Variants in KCNJ18 observed in about 807,000 individuals in gnomAD.
The protein encoded by KCNJ18 is potassium inwardly rectifying channel subfamily J member 18, also known as inward rectifier potassium channel 18.
In KCNJ18, 16 loss-of-function variants were observed where a neutral mutation model predicts 17.3. The ratio of observed to expected loss-of-function variants is 0.92; its 90% CI spans 0.62 to 1.40. The LOEUF is 1.40. KCNJ18 is among the 40% of genes most tolerant of loss of function. The pLI is 0.00. For missense variants in KCNJ18, 462 were observed against 626.8 expected (o/e 0.74, Z 2.81); for synonymous variants, 185 against 262.6 (o/e 0.70, Z 2.86).
Position 21,702,753 on chromosome 17 carries a change from C to A in KCNJ18, c.-34C>A, listed in dbSNP as rs2142272452. ...CAGGAGCCGCCCTGCCTGGAGCTAGCCTGGGGGTGAGCCAGGGTCCCCCAA... is the reference window on the plus strand; with the variant it reads ...CAGGAGCCGCCCTGCCTGGAGCTAGACTGGGGGTGAGCCAGGGTCCCCCAA... On this transcript the variant is annotated 5_prime_UTR_variant, in exon 3 of 3. Transcript: ENST00000567955. The A allele has an allele frequency of 1.3e-6, 2 of 1,551,648 alleles. No homozygotes were observed. The highest frequency in any genetic ancestry group is 2.4e-5 in the East Asian group (1 of 41,540).
At chr17:21,693,396 G>A (rs1328559135) in intron 1 of KCNJ18, among the ~76,000 whole-genome samples, 18 of 152,424 alleles carry the variant, frequency 1.2e-4, no homozygotes, top group African/African-American at 4.1e-4. Context: ...AGTGAGGGAC[G>A]AGGTTGGGAG....
rs1906066157 is a variant in KCNJ18 at position 21,703,850 on chromosome 17, C to T, written c.1064C>T (p.Pro355Leu). 3 of 1,612,210 alleles carry T rather than the reference C, an allele frequency of 1.9e-6. No individual in the cohort carries two copies. Among genetic ancestry groups the T allele is most frequent in the Non-Finnish European group, 2.5e-6 (3 of 1,179,888 alleles). The change falls in exon 3 of 3, where the codon CCC (proline) becomes CTC (leucine). Residue 355 changes from proline (P) to leucine (L), a missense_variant. Coordinates refer to ENST00000567955, the MANE Select transcript of KCNJ18 (RefSeq NM_001194958.2). ...AAGACCTATGAGGTGCCCTCTACGC[C>T]CCGCTGCAGTGCGAAGGATCTGGTA... ...FHKTYEVPST[P>L]RCSAKDLVEN...
Position 21,704,116 on chromosome 17 carries a change from A to T in KCNJ18, c.*28A>T. ...CAACCTTGGCCGACATGCAGCATCC[A>T]CCCCTGGCCGGGGAGAGGCCCCGCG... On this transcript the variant is annotated 3_prime_UTR_variant, in exon 3 of 3. Transcript: ENST00000567955. The T allele has an allele frequency of 6.6e-7, 1 of 1,506,936 alleles. No homozygotes were observed. Among genetic ancestry groups the T allele is most frequent in the Admixed American group, 2.2e-5 (1 of 45,512 alleles). The allele number at this position is 1,506,936 out of a possible 1,614,324, so 93.3% of individuals were successfully genotyped here. A position where few individuals can be genotyped will look rare whatever the true frequency, so the allele number is the denominator to read the frequency against.
At chr17:21,699,525 G>C (rs1177862292) in intron 2 of KCNJ18, among the ~76,000 whole-genome samples, 2 of 152,206 alleles carry the variant, frequency 1.3e-5, no homozygotes, top group Non-Finnish European at 2.9e-5. Flanking sequence ...GGCAGAGCAG[G>C]GCTGTGTGAG....
Position 21,703,475 on chromosome 17 carries a change from C to G in KCNJ18, c.689C>G (p.Ala230Gly). ...CACATTGTGGAGGCCCATGTGCGCGCGCAGCTCATCAAGCCGCGGGTCACC... is the reference window on the plus strand; with the variant it reads ...CACATTGTGGAGGCCCATGTGCGCGGGCAGCTCATCAAGCCGCGGGTCACC... Reference protein sequence around the residue: ...KSHIVEAHVRAQLIKPRVTEE... With the variant: ...KSHIVEAHVRGQLIKPRVTEE... Residue 230 changes from alanine to glycine, a missense_variant, in exon 3 of 3, where the codon GCG (alanine) becomes GGG (glycine). By Grantham distance (60) the Ala-to-Gly change is moderately conservative (BLOSUM62 0). Transcript: ENST00000567955. 1.2e-6 allele frequency: 2 copies of G among 1,611,356 alleles called. No individual in the cohort carries two copies. The highest frequency in any genetic ancestry group is 4.5e-5 in the East Asian group (2 of 44,770).
At chr17:21,692,906 G>A (rs1457555884) in intron 1 of KCNJ18, among the ~76,000 whole-genome samples, 192 bp downstream of exon 1, 4 of 152,426 alleles carry the variant, frequency 2.6e-5, no homozygotes, top group Admixed American at 6.5e-5. Context: ...CCTGGCAGGC[G>A]ACACCAGCCT....
chr17:21,698,528 G>T (rs1234863009), intron 2 of KCNJ18, among the ~76,000 whole-genome samples: 1 of 151,124 alleles, frequency 6.6e-6, no homozygotes, highest in Non-Finnish European at 1.5e-5. Context: ...TGATGCAGGC[G>T]CCTGCACTCT....
Position 21,703,254 on chromosome 17 carries a change from G to C in KCNJ18, c.468G>C (p.Leu156=), listed in dbSNP as rs1906033106. ...YGLRCVTEEC[L]VAVFMVVAQS... ...TGCGCTGTGTGACGGAGGAGTGCCT[G>C]GTGGCCGTCTTCATGGTGGTGGCCC... The change falls in exon 3 of 3, where the codon CTG becomes CTC. Residue 156 remains leucine (L), a synonymous_variant. Coordinates refer to ENST00000567955, the MANE Select transcript of KCNJ18 (RefSeq NM_001194958.2). 3 of 1,610,170 alleles carry C rather than the reference G, an allele frequency of 1.9e-6. No homozygotes were observed. The Admixed American group carries it at 5.0e-5, about 27-fold the overall frequency.
chr17:21,693,396 G>C (rs1328559135), intron 1 of KCNJ18, among the ~76,000 whole-genome samples: 1 of 152,310 alleles, frequency 6.6e-6, no homozygotes, highest in African/African-American at 2.4e-5. Flanking sequence ...AGTGAGGGAC[G>C]AGGTTGGGAG....
rs1334175020 is a variant in KCNJ18 at position 21,703,102 on chromosome 17, G to A, written c.316G>A (p.Ala106Thr). The A allele has an allele frequency of 8.7e-6, 14 of 1,612,304 alleles. No individual in the cohort carries two copies. Among genetic ancestry groups the A allele is most frequent in the South Asian group, 2.2e-5 (2 of 90,924 alleles). The change falls in exon 3 of 3, where the codon GCG becomes ACG. Residue 106 changes from alanine (A) to threonine (T), a missense_variant. Ala to Thr is a moderately conservative substitution (Grantham distance 58). Coordinates refer to ENST00000567955, the MANE Select transcript of KCNJ18 (RefSeq NM_001194958.2). ...GTTCGGCGTCATCTTCTGGGTCATC[G>A]CGGTGGCACACGGTGACCTGGAGCC... ...LLFGVIFWVI[A>T]VAHGDLEPAE...
At chr17:21,693,990 G>A (rs1295784083) in intron 1 of KCNJ18, among the ~76,000 whole-genome samples, 44 of 152,278 alleles carry the variant, frequency 2.9e-4, no homozygotes, top group African/African-American at 1.0e-3. Context: ...GGCCACTAGA[G>A]ACCAGGCAGG....
Position 21,702,766 on chromosome 17 carries a change from C to T in KCNJ18, c.-21C>T, listed in dbSNP as rs1906005267. On this transcript the variant is annotated 5_prime_UTR_variant, in exon 3 of 3. Transcript: ENST00000567955. The stretch of plus-strand genomic sequence containing the variant: ...GCCTGGAGCTAGCCTGGGGGTGAGC[C>T]AGGGTCCCCCAACCCCCGGGATGAC... 1 of 1,565,438 alleles carries T rather than the reference C, an allele frequency of 6.4e-7. No individual in the cohort carries two copies. The highest frequency in any genetic ancestry group is 1.8e-5 in the Admixed American group (1 of 55,386).
Position 21,702,991 on chromosome 17 carries a change from G to C in KCNJ18, c.205G>C (p.Ala69Pro). The change falls in exon 3 of 3, where the codon GCT becomes CCT. Residue 69 changes from alanine to proline, a missense_variant. By Grantham distance (27) the Ala-to-Pro change is conservative. Coordinates refer to ENST00000567955, the MANE Select transcript of KCNJ18 (RefSeq NM_001194958.2). ...NMDEKSQRYL[A>P]DMFTTCVDIR... ...GGACGAGAAGTCACAGCGCTACCTG[G>C]CTGACATGTTCACCACCTGTGTGGA... 6.2e-7 allele frequency: 1 copy of C among 1,608,652 alleles called. No individual in the cohort carries two copies.
intron 1 of KCNJ18, among the ~76,000 whole-genome samples, chr17:21,695,646 A>T (rs1206350305): frequency 2.0e-5 from 3 of 152,296 alleles, no homozygotes; most frequent in Non-Finnish European, 4.4e-5. Flanking sequence ...GAATAGTAAC[A>T]ACAATAGTTC....
At chr17:21,701,665 C>A (rs1387521137) in intron 2 of KCNJ18, among the ~76,000 whole-genome samples, 10,504 of 116,888 alleles carry the variant, frequency 0.09, no homozygotes, top group African/African-American at 0.14. Context: ...AATCCCAGCA[C>A]TTCAGGAGGC....
Position 21,701,407 on chromosome 17 carries a change from C to T in KCNJ18, c.-56-1324C>T, listed in dbSNP as rs1425893912. 5.9e-5 allele frequency among the ~76,000 whole-genome samples: 9 copies of T among 152,390 alleles called. No individual in the cohort carries two copies. In the East Asian group the frequency reaches 1.3e-3, roughly 23 times the overall value. On this transcript the variant is annotated intron_variant, in intron 2 of 2. Coordinates refer to ENST00000567955, the MANE Select transcript of KCNJ18 (RefSeq NM_001194958.2). ...AGCCTTGCAATCTTCCTTAGAGATG[C>T]GGGAAGCAGGGGCTGGGGAGGGCCC...
chr17:21,692,974 G>C (rs1480882904), intron 1 of KCNJ18, among the ~76,000 whole-genome samples: 14 of 152,298 alleles, frequency 9.2e-5, no homozygotes, highest in African/African-American at 3.1e-4. Context: ...TGTTCCGTGG[G>C]GGATTTCAGC....
chr17:21,698,189 G>C (rs1362122426), intron 2 of KCNJ18, among the ~76,000 whole-genome samples: 10 of 152,180 alleles, frequency 6.6e-5, no homozygotes, highest in African/African-American at 2.2e-4. Flanking sequence ...CTCAGGTCTT[G>C]GTGTTGTGGG....
chr17:21,694,462 C>T (rs1430838944), intron 1 of KCNJ18, among the ~76,000 whole-genome samples: 1 of 152,106 alleles, frequency 6.6e-6, no homozygotes, highest in Non-Finnish European at 1.5e-5. Context: ...CTGATGTGTG[C>T]CCATCCATGT....
Sources: gnomAD v4.1 joint callset for allele counts (sites outside exome capture counted in the v4.1 genomes callset) on GRCh38, gnomAD v4.1.1 for gene constraint, MANE v1.5 for transcripts, NCBI Gene and HGNC (gene_info 2026-07-23, HGNC 2026-07-21) for gene names.